The following PHACTR1 variants were observed in gnomAD, a reference collection of about 807,000 sequenced individuals.
The protein encoded by PHACTR1 is RPEL repeat containing 1.
A neutral mutation model predicts 69.2 loss-of-function variants in PHACTR1; 16 were observed. The ratio of observed to expected loss-of-function variants is 0.23; its 90% CI spans 0.16 to 0.35. PHACTR1 has a LOEUF of 0.35. Among genes scored for constraint, PHACTR1 ranks in the 10% least tolerant of loss-of-function variants. PHACTR1 has a pLI of 1.00. For synonymous variants in PHACTR1, 312 were observed against 284.5 expected (o/e 1.10, Z -0.97); for missense variants, 510 against 734.7 (o/e 0.69, Z 3.54).
At chr6:13,282,807 GAC>G in intron 12 of PHACTR1, among the ~76,000 whole-genome samples, 1 of 152,126 alleles carries the variant, frequency 6.6e-6, no homozygotes, top group East Asian at 1.9e-4. Flanking sequence ...GTGGGAGTAG[GAC>G]AGATAAGAAG....
At chr6:12,920,448 T>A (rs1787519032) in intron 4 of PHACTR1, among the ~76,000 whole-genome samples, 1 of 152,206 alleles carries the variant, frequency 6.6e-6, no homozygotes, top group South Asian at 2.1e-4. Context: ...CTTTTAAAAA[T>A]CTGTCATCTG....
intron 3 of PHACTR1, among the ~76,000 whole-genome samples, chr6:12,734,698 ATGG>A (rs1431150377): frequency 6.6e-6 from 1 of 152,216 alleles, no homozygotes; most frequent in East Asian, 1.9e-4. Context: ...CTGTAGTCTC[ATGG>A]TGGTACTGGA....
At chr6:13,030,530 G>A (rs1172056952) in intron 4 of PHACTR1, among the ~76,000 whole-genome samples, 2 of 152,206 alleles carry the variant, frequency 1.3e-5, no homozygotes, top group African/African-American at 4.8e-5. Flanking sequence ...AGTTTTTCAC[G>A]TTTGGAATCA....
chr6:12,868,029 G>A (rs371681330), intron 4 of PHACTR1, among the ~76,000 whole-genome samples: 7 of 152,254 alleles, frequency 4.6e-5, no homozygotes, highest in East Asian at 1.9e-4. Context: ...GGAGGCCAAG[G>A]CGGGCAGATC....
chr6:13,030,089 C>T (rs1802241664), intron 4 of PHACTR1, among the ~76,000 whole-genome samples: 1 of 152,178 alleles, frequency 6.6e-6, no homozygotes, highest in African/African-American at 2.4e-5. Flanking sequence ...ATAGTAAGTG[C>T]TGAATAAATG....
intron 5 of PHACTR1, among the ~76,000 whole-genome samples, chr6:13,139,676 C>T (rs979253840): frequency 6.6e-6 from 1 of 152,162 alleles, no homozygotes; most frequent in African/African-American, 2.4e-5. Context: ...TTGATTGGCT[C>T]ACATAATTAA....
intron 10 of PHACTR1, among the ~76,000 whole-genome samples, chr6:13,247,897 A>G (rs1773815799): frequency 6.6e-6 from 1 of 152,212 alleles, no homozygotes; most frequent in Non-Finnish European, 1.5e-5. Flanking sequence ...AAATGACGTT[A>G]TGAAGGAGCT....
At chr6:12,724,478 T>C (rs1194650452) in intron 3 of PHACTR1, among the ~76,000 whole-genome samples, 1 of 152,188 alleles carries the variant, frequency 6.6e-6, no homozygotes, top group Non-Finnish European at 1.5e-5. Context: ...CGAAGACTGA[T>C]GAGGTGAAGT....
At chr6:13,117,991 A>G (rs1252773014) in intron 5 of PHACTR1, among the ~76,000 whole-genome samples, 5 of 152,218 alleles carry the variant, frequency 3.3e-5, no homozygotes, top group Non-Finnish European at 7.3e-5. Context: ...ACAGAATCTC[A>G]TATTACTTTC....
chr6:13,203,122 T>C (rs1269276081), intron 7 of PHACTR1, among the ~76,000 whole-genome samples: 1 of 152,250 alleles, frequency 6.6e-6, no homozygotes, highest in Non-Finnish European at 1.5e-5. Flanking sequence ...TGTAATCTGT[T>C]TCAGGCTCAC....
chr6:12,743,792 T>G (rs1351863697), intron 3 of PHACTR1, among the ~76,000 whole-genome samples: 1 of 152,192 alleles, frequency 6.6e-6, no homozygotes, highest in Non-Finnish European at 1.5e-5. Flanking sequence ...AACTCAGCTC[T>G]GCACCAAGTG....
intron 7 of PHACTR1, among the ~76,000 whole-genome samples, chr6:13,194,481 G>GA (rs59334120): frequency 0.023 from 3,318 of 142,020 alleles, 91 homozygotes; most frequent in African/African-American, 0.072. Context: ...TTTTATTGAA[G>GA]AAAAAAAAAA....
chr6:13,273,964 C>T (rs937336841), intron 11 of PHACTR1: 4 of 138,608 alleles, frequency 2.9e-5, no homozygotes, highest in Admixed American at 7.1e-5. Flanking sequence ...GTGAGTTTGC[C>T]GGGAATTTCC....
intron 4 of PHACTR1, among the ~76,000 whole-genome samples, chr6:12,943,133 A>C (rs1377364133): frequency 6.6e-6 from 1 of 152,266 alleles, no homozygotes; most frequent in Non-Finnish European, 1.5e-5. Context: ...TCATCAATGA[A>C]CAAAGTGTGG....
At chr6:13,164,738 A>C (rs1759539219) in intron 6 of PHACTR1, among the ~76,000 whole-genome samples, 1 of 152,254 alleles carries the variant, frequency 6.6e-6, no homozygotes, top group Non-Finnish European at 1.5e-5. Flanking sequence ...GGCAGAGTAC[A>C]CACAAAATTA....
chr6:12,813,263 G>A (rs1775219002), intron 4 of PHACTR1, among the ~76,000 whole-genome samples: 1 of 152,092 alleles, frequency 6.6e-6, no homozygotes. Flanking sequence ...TAGGATATTG[G>A]TTTCACACAC....
intron 8 of PHACTR1, among the ~76,000 whole-genome samples, chr6:13,207,838 CAG>C (rs1766169386): frequency 1.3e-5 from 2 of 151,804 alleles, no homozygotes; most frequent in South Asian, 4.2e-4. Flanking sequence ...AGCGAATCAC[CAG>C]AGAGCTAAAA....
chr6:13,053,601 A>G, intron 5 of PHACTR1, 72 bp downstream of exon 5: 1 of 1,514,548 alleles, frequency 6.6e-7, no homozygotes, highest in Non-Finnish European at 8.9e-7. Context: ...AACAGAATTT[A>G]ATTGCAATAG....
At chr6:12,730,986 T>TTTTTTTTATTTATTTA (rs1554129536) in intron 3 of PHACTR1, among the ~76,000 whole-genome samples, 2 of 137,948 alleles carry the variant, frequency 1.4e-5, no homozygotes, top group East Asian at 2.1e-4. Flanking sequence ...ATATTACCTT[T>TTTTTTTTATTTATTTA]TTTATTTATT....
Sources: gnomAD v4.1 joint callset for allele counts (sites outside exome capture counted in the v4.1 genomes callset) on GRCh38, gnomAD v4.1.1 for gene constraint, MANE v1.5 for transcripts, NCBI Gene and HGNC (gene_info 2026-07-23, HGNC 2026-07-21) for gene names.